The following SLC22A14 variants were observed in gnomAD, a reference collection of about 807,000 sequenced individuals.
SLC22A14 encodes organic cation transporter-like 4.
A neutral mutation model predicts 53.9 loss-of-function variants in SLC22A14; 50 were observed. That is an observed-to-expected ratio of 0.93 (90% CI 0.74 to 1.17). The LOEUF (loss-of-function observed/expected upper bound fraction) is 1.17. SLC22A14 is among the 50% of genes most tolerant of loss of function. The pLI is 0.00. For synonymous variants in SLC22A14, 312 were observed against 303.0 expected, an observed-to-expected ratio of 1.03 and a Z score of -0.31; for missense variants, 671 against 734.7, an observed-to-expected ratio of 0.91 and a Z score of 1.00.
At chr3:38,295,495 G>C (rs983212485) in intron 1 of SLC22A14, among the ~76,000 whole-genome samples, 28 of 152,176 alleles carry the variant, frequency 1.8e-4, no homozygotes, top group African/African-American at 6.8e-4. Context: ...GCTATGGGTT[G>C]TCAGTGGTCT....
intron 1 of SLC22A14, among the ~76,000 whole-genome samples, chr3:38,301,314 C>T (rs1326850958): frequency 6.6e-6 from 1 of 152,170 alleles, no homozygotes; most frequent in African/African-American, 2.4e-5. Context: ...TTTGCATGCC[C>T]ATCAGCAATG....
At chr3:38,297,834 T>C (rs910298763) in intron 1 of SLC22A14, among the ~76,000 whole-genome samples, 1 of 152,206 alleles carries the variant, frequency 6.6e-6, no homozygotes, top group Non-Finnish European at 1.5e-5. Context: ...CCTTTGTAAA[T>C]GATAAGTATC....
At chr3:38,297,754 G>A (rs539450110) in intron 1 of SLC22A14, among the ~76,000 whole-genome samples, 1 of 152,214 alleles carries the variant, frequency 6.6e-6, no homozygotes, top group Admixed American at 6.5e-5. Flanking sequence ...CATTACTGGT[G>A]ATTTTAATTT....
Position 38,307,287 on chromosome 3 carries a change from G to A in SLC22A14, c.550G>A (p.Asp184Asn), listed in dbSNP as rs1246041755. The A allele has an allele frequency of 6.2e-7, 1 of 1,614,034 alleles. No individual in the cohort carries two copies. The highest frequency in any genetic ancestry group is 2.2e-5 in the East Asian group (1 of 44,886). ...GGTATGTGGCATGGAGACGAAGAAG[G>A]ACACTGCACAGATCATGTTCATGGC... Reference protein sequence around the residue: ...DLVCGMETKKDTAQIMFMAGL... With the variant: ...DLVCGMETKKNTAQIMFMAGL... Residue 184 changes from aspartate to asparagine, a missense_variant, in exon 3 of 11, where the codon GAC becomes AAC. Physicochemically the swap from Asp to Asn is conservative, Grantham distance 23 (BLOSUM62 1). Transcript: ENST00000448498. This position sits in a 1 kb window ranked among gnomAD's most constrained non-coding sequence, Gnocchi z 4.4.
intron 7 of SLC22A14, 37 bp from the exon 8 acceptor site, chr3:38,313,690 G>GCGTGCGCA (rs1553644881): frequency 1.1e-5 from 16 of 1,395,148 alleles, no homozygotes; most frequent in Non-Finnish European, 1.0e-6. Flanking sequence ...GTGTGTGCGC[G>GCGTGCGCA]CGTGTGCACG....
chr3:38,308,605 C>T (rs1419274698), intron 4 of SLC22A14, among the ~76,000 whole-genome samples: 2 of 152,242 alleles, frequency 1.3e-5, no homozygotes, highest in African/African-American at 4.8e-5. Flanking sequence ...AGAGCAAAAA[C>T]AAGGACAATG....
At chr3:38,285,220 AGTGGGGGACTGCT>A (rs1202160074) in intron 1 of SLC22A14, among the ~76,000 whole-genome samples, 1 of 152,228 alleles carries the variant, frequency 6.6e-6, no homozygotes, top group Non-Finnish European at 1.5e-5. Context: ...CCCCCACCAC[AGTGGGGGACTGCT>A]GCCTTTATCA....
intron 1 of SLC22A14, among the ~76,000 whole-genome samples, chr3:38,288,854 C>T (rs1249142197): frequency 1.3e-5 from 2 of 151,906 alleles, no homozygotes; most frequent in Non-Finnish European, 2.9e-5. Context: ...TTTTAAAAAT[C>T]GTCTTAGTTT....
rs1442169801 is a variant in SLC22A14, at chr3:38,315,691, G to GC, written c.1513dup (p.Leu505ProfsTer76). The GC allele has an allele frequency of 2.5e-6, 4 of 1,613,850 alleles. No homozygotes were observed. Among genetic ancestry groups the GC allele is most frequent in the Non-Finnish European group, 2.5e-6 (3 of 1,180,024 alleles). On this transcript the variant is annotated frameshift_variant, in exon 9 of 11. Transcript: ENST00000448498. LOFTEE classifies it high-confidence loss of function. ...CTGTGTTCTTCCTCTACACCGCTGA[G>GC]CTCCTCCCCACTGTGCTCAGGTATG... is the stretch of plus-strand genomic sequence containing the variant.
intron 1 of SLC22A14, among the ~76,000 whole-genome samples, chr3:38,295,824 T>C (rs1212293880): frequency 1.3e-5 from 2 of 150,836 alleles, no homozygotes; most frequent in East Asian, 3.9e-4. Flanking sequence ...CTCTCTCTCT[T>C]TCTCTCTCTC....
chr3:38,283,439 G>A (rs1703717877), intron 1 of SLC22A14, among the ~76,000 whole-genome samples: 1 of 152,058 alleles, frequency 6.6e-6, no homozygotes, highest in Admixed American at 6.5e-5. Flanking sequence ...ATTCTGCTGA[G>A]ATAAGGGATC....
At chr3:38,308,897 GGGCA>G in intron 4 of SLC22A14, 53 bp from the exon 5 acceptor site, 1 of 1,543,114 alleles carries the variant, frequency 6.5e-7, no homozygotes, top group South Asian at 1.2e-5. Flanking sequence ...CTGGATGCAA[GGGCA>G]GCCCTGGGGA....
intron 1 of SLC22A14, among the ~76,000 whole-genome samples, chr3:38,287,816 T>C (rs1362062269): frequency 6.6e-6 from 1 of 152,244 alleles, no homozygotes; most frequent in East Asian, 1.9e-4. Flanking sequence ...CTGACAACTT[T>C]TATTCATGAC....
intron 1 of SLC22A14, among the ~76,000 whole-genome samples, chr3:38,302,412 G>A (rs1222062882): frequency 6.7e-6 from 1 of 150,350 alleles, no homozygotes; most frequent in Non-Finnish European, 1.5e-5. Context: ...TGTGCATGGT[G>A]GCAGATTGCC....
chr3:38,287,112 T>C (rs74735507), intron 1 of SLC22A14, among the ~76,000 whole-genome samples: 3,922 of 145,456 alleles, frequency 0.027, 87 homozygotes, highest in African/African-American at 0.069. Context: ...TGTGTGTGCG[T>C]GTGTGTGTGT....
chr3:38,316,460 TC>T lies in SLC22A14; in HGVS notation c.1672del (p.Leu558CysfsTer14). ...AGCCATCGTGGCCTTTTCCCTCTCC[TC>T]CCTGCTGCCGGAAACGCGAGATCAG... ...VLAIVAFSLS[S>X]LLPETRDQPL... On this transcript the variant is annotated frameshift_variant, in exon 10 of 11. Coordinates refer to ENST00000448498, the MANE Select transcript of SLC22A14 (RefSeq NM_001320033.2). LOFTEE classifies it high-confidence loss of function. 1 of 1,613,950 alleles carries T rather than the reference TC, an allele frequency of 6.2e-7. No individual in the cohort carries two copies. The highest frequency in any genetic ancestry group is 1.1e-5 in the South Asian group (1 of 91,050).
At chr3:38,311,474 C>T (rs762452871) in intron 5 of SLC22A14, among the ~76,000 whole-genome samples, 1 of 152,208 alleles carries the variant, frequency 6.6e-6, no homozygotes, top group African/African-American at 2.4e-5. Flanking sequence ...AATGAATAAA[C>T]AGCATGGCCA....
At chr3:38,278,946 T>C (rs1481391058), upstream of SLC22A14, among the ~76,000 whole-genome samples, 1 of 151,588 alleles carries the variant, frequency 6.6e-6, no homozygotes, top group East Asian at 1.9e-4. Flanking sequence ...TGTCACCAAA[T>C]GGTAGATAGA....
intron 9 of SLC22A14, 27 bp from the exon 10 acceptor site, chr3:38,316,297 C>T: frequency 1.2e-6 from 2 of 1,610,968 alleles, no homozygotes; most frequent in East Asian, 2.2e-5. Flanking sequence ...GCAGACCCCT[C>T]ACAGGAGCTC....
Sources: allele counts gnomAD v4.1 joint callset (sites outside exome capture counted in the v4.1 genomes callset), GRCh38; gene constraint gnomAD v4.1.1; non-coding constraint Gnocchi (gnomAD v3.1); transcripts MANE v1.5; gene names NCBI Gene and HGNC (gene_info 2026-07-23, HGNC 2026-07-21).